DNAJC3: variants seen among roughly 807,000 people sequenced by gnomAD.
DNAJC3 encodes DnaJ heat shock protein family (Hsp40) member C3, also known as dnaJ homolog subfamily C member 3.
In DNAJC3, 38 loss-of-function variants were observed where a neutral mutation model predicts 68.6. The ratio of observed to expected loss-of-function variants is 0.55; its 90% CI spans 0.43 to 0.73. The LOEUF (loss-of-function observed/expected upper bound fraction) is 0.73. DNAJC3 is among the 30% of genes least tolerant of loss of function. DNAJC3 has a pLI of 0.00. For synonymous variants in DNAJC3, 203 were observed against 204.0 expected (o/e 1.00, Z 0.04); for missense variants, 526 against 591.9 (o/e 0.89, Z 1.16).
chr13:95,787,672 T>G (rs76548257), intron 11 of DNAJC3, among the ~76,000 whole-genome samples: 4 of 151,980 alleles, frequency 2.6e-5, no homozygotes, highest in South Asian at 2.1e-4. Context: ...TATATGTGTT[T>G]TTTTTTTTTT....
chr13:95,735,452 T>C (rs1303162165), intron 4 of DNAJC3, among the ~76,000 whole-genome samples: 109 of 133,592 alleles, frequency 8.2e-4, no homozygotes, highest in Non-Finnish European at 1.3e-3. Context: ...GTAAAAGTGT[T>C]CCTATTTCTC....
chr13:95,677,589 G>A (rs1879794520), intron 1 of DNAJC3, among the ~76,000 whole-genome samples: 2 of 152,266 alleles, frequency 1.3e-5, no homozygotes, highest in African/African-American at 4.8e-5. Flanking sequence ...GGAGTCGGAG[G>A]AGGCGGGGTG....
Position 95,723,363 on chromosome 13 carries a change from T to C in DNAJC3, c.315T>C (p.Thr105=). 6.2e-7 allele frequency: 1 copy of C among 1,608,136 alleles called. No individual in the cohort carries two copies. The highest frequency in any genetic ancestry group is 8.5e-7 in the Non-Finnish European group (1 of 1,177,276). The change falls in exon 3 of 12, where the codon ACT becomes ACC. Residue 105 remains threonine (T), a synonymous_variant. Coordinates refer to ENST00000602402, the MANE Select transcript of DNAJC3 (RefSeq NM_006260.5). ...TGATTCAATTGAAGATGGACTTCACTGCAGTAAGTATATCTCAACTTTCTT... is the reference window on the plus strand; with the variant it reads ...TGATTCAATTGAAGATGGACTTCACCGCAGTAAGTATATCTCAACTTTCTT... ...TKVIQLKMDF[T]AARLQRGHLL...
chr13:95,789,011 G>A (rs1399503835), intron 11 of DNAJC3, among the ~76,000 whole-genome samples: 1 of 152,140 alleles, frequency 6.6e-6, no homozygotes, highest in African/African-American at 2.4e-5. Context: ...GAAGTAAACT[G>A]GCTTTTCTCT....
At chr13:95,692,331 A>G (rs1448729542) in intron 1 of DNAJC3, among the ~76,000 whole-genome samples, 1 of 152,000 alleles carries the variant, frequency 6.6e-6, no homozygotes. Context: ...TTCATTGTTC[A>G]CTTTCTGCCT....
chr13:95,791,361 T>C lies in DNAJC3; in HGVS notation c.*331T>C. 3.2e-6 allele frequency: 1 copy of C among 315,688 alleles called. No individual in the cohort carries two copies. Among genetic ancestry groups the C allele is most frequent in the Non-Finnish European group, 6.0e-6 (1 of 168,028 alleles). The allele number at this position is 315,688 out of a possible 1,614,324, so 19.6% of individuals were successfully genotyped here. A position where few individuals can be genotyped will look rare whatever the true frequency, so the allele number is the denominator to read the frequency against. Reference sequence around the variant, plus strand: ...CTACACTGGAGCTGAGATTCTTCTCTTCACAGCCTTGCAGAGTAAGTCAGT... The same window carrying C: ...CTACACTGGAGCTGAGATTCTTCTCCTCACAGCCTTGCAGAGTAAGTCAGT... On this transcript the variant is annotated 3_prime_UTR_variant, in exon 12 of 12. Coordinates refer to ENST00000602402, the MANE Select transcript of DNAJC3 (RefSeq NM_006260.5).
intron 9 of DNAJC3, among the ~76,000 whole-genome samples, chr13:95,777,818 A>G (rs1883330907): frequency 6.6e-6 from 1 of 152,186 alleles, no homozygotes; most frequent in South Asian, 2.1e-4. Flanking sequence ...CTATAAAACA[A>G]TTACACCTAA....
chr13:95,721,023 A>G (rs1366338660), intron 2 of DNAJC3, among the ~76,000 whole-genome samples: 2 of 152,068 alleles, frequency 1.3e-5, no homozygotes, highest in East Asian at 1.9e-4. Context: ...ATTATCCCAA[A>G]CTGAAACTCT....
intron 4 of DNAJC3, 86 bp from the exon 5 acceptor site, chr13:95,757,557 TA>T: frequency 7.7e-7 from 1 of 1,294,108 alleles, no homozygotes; most frequent in Non-Finnish European, 1.0e-6. Flanking sequence ...TGAACTTAAG[TA>T]TTTGGAATGG....
chr13:95,692,523 AAAT>A (rs1880300611), intron 1 of DNAJC3: 1 of 152,056 alleles, frequency 6.6e-6, no homozygotes. Flanking sequence ...ATTATTTTAT[AAAT>A]AATAATAACC....
chr13:95,766,112 C>T (rs1377005935), intron 9 of DNAJC3, among the ~76,000 whole-genome samples: 1 of 152,100 alleles, frequency 6.6e-6, no homozygotes, highest in Non-Finnish European at 1.5e-5. Context: ...CAGTTGAAAT[C>T]TTGAGTTAGA....
At chr13:95,704,859 T>G (rs1474902742) in intron 1 of DNAJC3, among the ~76,000 whole-genome samples, 1 of 137,874 alleles carries the variant, frequency 7.3e-6, no homozygotes, top group African/African-American at 3.3e-5. Flanking sequence ...GTGTTTTTTT[T>G]TTTTTTTTTT....
intron 9 of DNAJC3, among the ~76,000 whole-genome samples, chr13:95,775,441 T>C (rs1883267900): frequency 6.6e-6 from 1 of 152,216 alleles, no homozygotes; most frequent in South Asian, 2.1e-4. Flanking sequence ...GTTGAGTATT[T>C]GATCTTTTGC....
intron 9 of DNAJC3, among the ~76,000 whole-genome samples, chr13:95,774,653 G>T (rs570256533): frequency 1.3e-5 from 2 of 152,244 alleles, no homozygotes; most frequent in South Asian, 4.1e-4. Context: ...TGGAAGCTCT[G>T]CTATTAGCAG....
chr13:95,781,479 C>T (rs778322994), intron 9 of DNAJC3, among the ~76,000 whole-genome samples: 1 of 152,100 alleles, frequency 6.6e-6, no homozygotes. Context: ...TTCCTATCTT[C>T]CAGAAATTTA....
chr13:95,722,867 G>C (rs1881379277), intron 2 of DNAJC3, among the ~76,000 whole-genome samples: 1 of 126,248 alleles, frequency 7.9e-6, no homozygotes, highest in Admixed American at 1.0e-4. Context: ...GTTGAATATA[G>C]TTAATATTCT....
At chr13:95,722,504 G>C (rs1017986310) in intron 2 of DNAJC3, among the ~76,000 whole-genome samples, 3 of 151,926 alleles carry the variant, frequency 2.0e-5, no homozygotes, top group Non-Finnish European at 4.4e-5. Context: ...TGGGTGCAGT[G>C]GCTCATGCCT....
chr13:95,782,953 C>T (rs12583253), intron 9 of DNAJC3, among the ~76,000 whole-genome samples: 6 of 152,196 alleles, frequency 3.9e-5, no homozygotes, highest in South Asian at 2.1e-4. Flanking sequence ...TTATGTCTTA[C>T]GTTTAAGTCT....
intron 9 of DNAJC3, among the ~76,000 whole-genome samples, chr13:95,777,680 T>C (rs1356438433): frequency 6.6e-6 from 1 of 152,086 alleles, no homozygotes; most frequent in Non-Finnish European, 1.5e-5. Flanking sequence ...ATAAAGCAAA[T>C]ATTGACAGAA....
Sources: gnomAD v4.1 joint callset for allele counts (sites outside exome capture counted in the v4.1 genomes callset) on GRCh38, gnomAD v4.1.1 for gene constraint, MANE v1.5 for transcripts, NCBI Gene and HGNC (gene_info 2026-07-23, HGNC 2026-07-21) for gene names.